The following CTDSP1 variants were observed in gnomAD, a reference collection of about 807,000 sequenced individuals.
The protein encoded by CTDSP1 is carboxy-terminal domain RNA polymerase II polypeptide A small phosphatase 1.
CTDSP1 carries 15 observed loss-of-function variants against 32.5 expected under a neutral mutation model. That is an observed-to-expected ratio of 0.46 (90% CI 0.31 to 0.71). The LOEUF is 0.71. Among genes scored for constraint, CTDSP1 ranks in the 30% least tolerant of loss-of-function variants. CTDSP1 has a pLI of 0.05. For missense variants in CTDSP1, 294 were observed against 351.1 expected (o/e 0.84, Z 1.30); for synonymous variants, 185 against 145.4 (o/e 1.27, Z -1.96).
intron 1 of CTDSP1, chr2:218,400,638 AAC>A: frequency 2.4e-6 from 1 of 422,946 alleles, no homozygotes; most frequent in Non-Finnish European, 4.8e-6. Flanking sequence ...ATCTCCCGCC[AAC>A]ACACAGCTAC....
intron 3 of CTDSP1, 66 bp from the exon 4 acceptor site, chr2:218,402,283 G>T: frequency 6.2e-7 from 1 of 1,611,890 alleles, no homozygotes. Flanking sequence ...CTGGGAGGGA[G>T]GTGTGTGCTG....
upstream of CTDSP1, chr2:218,396,351 CT>C (rs375159244): frequency 2.7e-4 from 41 of 152,598 alleles, no homozygotes; most frequent in African/African-American, 9.6e-4. Flanking sequence ...CTCCTCCAGC[CT>C]CGTCGGGTCC....
chr2:218,401,536 G>T (rs1428561562), intron 1 of CTDSP1, 28 bp from the exon 2 acceptor site: 1 of 1,612,636 alleles, frequency 6.2e-7, no homozygotes, highest in Non-Finnish European at 8.5e-7. Flanking sequence ...TGTGCACCGA[G>T]CCTCCAACTT....
In CTDSP1 at chr2:218,404,800, T is replaced by G. The variant is rs1697333251; in HGVS notation, c.*375T>G. On this transcript the variant is annotated 3_prime_UTR_variant, in exon 7 of 7. Transcript: ENST00000273062. ...CAGGGTTCCTGCCTTGGACCCCCAG[T>G]CTGGGAACGGTGGACATCAAGTGCC... 5.2e-6 allele frequency: 1 copy of G among 191,812 alleles called. No individual in the cohort carries two copies. The highest frequency in any genetic ancestry group is 2.3e-5 in the African/African-American group (1 of 42,726). The allele number at this position is 191,812 out of a possible 1,614,324, so 11.9% of individuals were successfully genotyped here.
chr2:218,402,778 G>A, intron 4 of CTDSP1: 1 of 719,098 alleles, frequency 1.4e-6, no homozygotes, highest in Non-Finnish European at 2.6e-6. Context: ...CTAGGCTGAG[G>A]TTGAGGCAGG....
At chr2:218,404,228 A>G (rs933570498) in intron 6 of CTDSP1, 69 bp from the exon 7 acceptor site, 12 of 1,574,770 alleles carry the variant, frequency 7.6e-6, no homozygotes, top group Non-Finnish European at 1.0e-5. Context: ...GTGGCTACAT[A>G]GGGCTGGCCT....
upstream of CTDSP1, chr2:218,399,678 C>T (rs1244196648): frequency 5.2e-6 from 5 of 953,784 alleles, no homozygotes; most frequent in Admixed American, 6.2e-5. Context: ...GAGACTCAGC[C>T]CCGCCGGCGG....
upstream of CTDSP1, chr2:218,398,297 CTG>C (rs926214234): frequency 1.1e-6 from 1 of 933,326 alleles, no homozygotes; most frequent in African/African-American, 1.7e-5. Context: ...GTTTCCTCAT[CTG>C]TGAAATGGGT....
At position 218,400,187 on chromosome 2, in the gene CTDSP1, C is replaced by T. The variant is rs1238226134; in HGVS notation, c.67+30C>T. Reference sequence around the variant, plus strand: ...CGGGGCTGCGGGGAGGGGGCCGAAGCCGGGGCGCCGTGGGAGGAGAGAAGG... The same window carrying T: ...CGGGGCTGCGGGGAGGGGGCCGAAGTCGGGGCGCCGTGGGAGGAGAGAAGG... On this transcript the variant is annotated intron_variant, in intron 1 of 6. Transcript: ENST00000273062. The T allele has an allele frequency of 5.9e-6, 9 of 1,524,834 alleles. No homozygotes were observed. The African/African-American group carries it at 1.1e-4, about 19-fold the overall frequency. 94.5% of individuals were successfully genotyped at this position (1,524,834 alleles called of 1,614,324 possible). A position where few individuals can be genotyped will look rare whatever the true frequency, so the allele number is the denominator to read the frequency against.
At chr2:218,401,463 C>G (rs1410682931) in intron 1 of CTDSP1, 101 bp from the exon 2 acceptor site, 28 of 1,395,394 alleles carry the variant, frequency 2.0e-5, no homozygotes, top group Non-Finnish European at 2.7e-5. Context: ...GAAGGGGCCA[C>G]GGCAAGATCC....
chr2:218,401,850 C>A, intron 2 of CTDSP1, 138 bp downstream of exon 2: 1 of 809,252 alleles, frequency 1.2e-6, no homozygotes, highest in Non-Finnish European at 1.9e-6. Context: ...GCAGCCTCCC[C>A]TGCCAGGCCC....
upstream of CTDSP1, among the ~76,000 whole-genome samples, chr2:218,397,841 G>A (rs543372695): frequency 6.6e-6 from 1 of 152,280 alleles, no homozygotes; most frequent in Admixed American, 6.5e-5. Context: ...AGGGCTCCAG[G>A]CAGAAGGCGC....
At chr2:218,402,474 C>G (rs1335066021) in intron 4 of CTDSP1, 69 bp downstream of exon 4, 1 of 1,490,024 alleles carries the variant, frequency 6.7e-7, no homozygotes, top group Non-Finnish European at 9.3e-7. Flanking sequence ...TCCCACCAAT[C>G]CGGAGCGCCT....
intron 4 of CTDSP1, 52 bp downstream of exon 4, chr2:218,402,457 A>C: frequency 6.4e-7 from 1 of 1,560,956 alleles, no homozygotes; most frequent in Non-Finnish European, 8.8e-7. Context: ...TCCAGACCCT[A>C]GGCTCTTCCC....
rs1467821319 is a variant in CTDSP1, at chr2:218,404,452, C to T, written c.*27C>T. The T allele has an allele frequency of 6.2e-7, 1 of 1,612,704 alleles. No individual in the cohort carries two copies. The highest frequency in any genetic ancestry group is 8.5e-7 in the Non-Finnish European group (1 of 1,179,398). ...GAGGGTGATGGGGCCAGGACCTGCC[C>T]CTGACCAATGATACCCACACCTCCT... On this transcript the variant is annotated 3_prime_UTR_variant, in exon 7 of 7. Transcript: ENST00000273062.
chr2:218,400,600 T>C (rs1311857359), intron 1 of CTDSP1: 3 of 374,772 alleles, frequency 8.0e-6, no homozygotes, highest in African/African-American at 4.3e-5. Flanking sequence ...GGCGCCGAGG[T>C]GACAGCAGGC....
At position 218,403,253 on chromosome 2, in the gene CTDSP1, C is replaced by G. The variant is rs763118113; in HGVS notation, c.493C>G (p.Leu165Val). 6.2e-7 allele frequency: 1 copy of G among 1,613,154 alleles called. No homozygotes were observed. The highest frequency in any genetic ancestry group is 1.1e-5 in the South Asian group (1 of 90,994). ...LAKYADPVAD[L>V]LDKWGAFRAR... ...CCAGTACGCAGACCCAGTAGCTGAC[C>G]TGCTGGACAAATGGGGGGCCTTCCG... The change falls in exon 6 of 7, where the codon CTG becomes GTG. Residue 165 changes from leucine (L) to valine (V), a missense_variant. Coordinates refer to ENST00000273062, the MANE Select transcript of CTDSP1 (RefSeq NM_021198.3).
At position 218,401,223 on chromosome 2, in the gene CTDSP1, G is replaced by A. The variant is rs1246877803; in HGVS notation, c.68-341G>A. The A allele has an allele frequency of 2.0e-5, 8 of 397,952 alleles. No homozygotes were observed. The East Asian group carries it at 4.7e-4, about 23-fold the overall frequency. The allele number at this position is 397,952 out of a possible 1,614,324, so 24.7% of individuals were successfully genotyped here. ...CTGAGCAGGGGTGCTCAGGTAAGGT[G>A]GGGTCAGGAGGCACCGCAATGGGGC... is the stretch of plus-strand genomic sequence containing the variant. On this transcript the variant is annotated intron_variant, in intron 1 of 6. Transcript: ENST00000273062.
chr2:218,402,000 C>T, intron 2 of CTDSP1, 111 bp from the exon 3 acceptor site: 1 of 786,700 alleles, frequency 1.3e-6, no homozygotes, highest in Non-Finnish European at 2.1e-6. Flanking sequence ...GGGGAAGTAT[C>T]TGTTCCTGGG....
Sources: gnomAD v4.1 joint callset for allele counts (sites outside exome capture counted in the v4.1 genomes callset) on GRCh38, gnomAD v4.1.1 for gene constraint, MANE v1.5 for transcripts, NCBI Gene and HGNC (gene_info 2026-07-23, HGNC 2026-07-21) for gene names.